Variants in PIP5K1B observed in about 807,000 individuals in gnomAD.
PIP5K1B encodes phosphatidylinositol-4-phosphate 5-kinase type 1 beta.
PIP5K1B carries 42 observed loss-of-function variants against 67.0 expected under a neutral mutation model. The observed-to-expected ratio is 0.63, with a 90% CI of 0.49 to 0.81. The LOEUF is 0.81. Ranked by LOEUF, PIP5K1B falls within the 30% of genes least tolerant of loss-of-function variation. The pLI, the probability that PIP5K1B is intolerant of heterozygous loss-of-function variation, is 0.00. For synonymous variants in PIP5K1B, 214 were observed against 231.4 expected, an observed-to-expected ratio of 0.92 and a Z score of 0.68; for missense variants, 459 against 646.3, an observed-to-expected ratio of 0.71 and a Z score of 3.14.
intron 4 of PIP5K1B, among the ~76,000 whole-genome samples, chr9:68,824,853 A>G (rs1309610406): frequency 6.6e-6 from 1 of 152,214 alleles, no homozygotes; most frequent in Admixed American, 6.5e-5. Context: ...GTTTATCTCC[A>G]GGTCCAGATA....
At chr9:68,853,552 C>T (rs1312996433) in intron 4 of PIP5K1B, among the ~76,000 whole-genome samples, 2 of 152,120 alleles carry the variant, frequency 1.3e-5, no homozygotes, top group Admixed American at 1.3e-4. Flanking sequence ...TCTGAAAAAT[C>T]AGAAAGTTTT....
chr9:68,731,552 G>T (rs568731224), intron 1 of PIP5K1B, among the ~76,000 whole-genome samples: 13 of 152,330 alleles, frequency 8.5e-5, no homozygotes, highest in Non-Finnish European at 8.8e-5. Flanking sequence ...CTGAGTGGGT[G>T]GTTGGGGAGG....
intron 15 of PIP5K1B, among the ~76,000 whole-genome samples, chr9:68,994,083 C>G (rs1036356051): frequency 4.3e-5 from 6 of 141,166 alleles, no homozygotes; most frequent in Non-Finnish European, 9.1e-5. Context: ...TCTTGTCGCC[C>G]AGGCTGGAGT....
chr9:68,810,617 C>A (rs868326080), intron 2 of PIP5K1B, among the ~76,000 whole-genome samples: 1 of 152,214 alleles, frequency 6.6e-6, no homozygotes. Context: ...TCATCTGTGG[C>A]AAATTAAAAA....
At chr9:68,920,765 G>GTCTT (rs1826340026) in intron 11 of PIP5K1B, among the ~76,000 whole-genome samples, 1 of 145,370 alleles carries the variant, frequency 6.9e-6, no homozygotes. Context: ...TTCCGTCTCT[G>GTCTT]TCTCTCTGTC....
rs1238650767 is a variant in PIP5K1B, at chr9:68,943,978, T to G, written c.1502+3188T>G. On this transcript the variant is annotated intron_variant, in intron 14 of 15. Transcript: ENST00000265382. Reference sequence around the variant, plus strand: ...CCTTTTTTTAAAGGATTATTCTTTGTAACTTCAAAAACTCTGATAGCAACC... The same window carrying G: ...CCTTTTTTTAAAGGATTATTCTTTGGAACTTCAAAAACTCTGATAGCAACC... Among the ~76,000 whole-genome samples the G allele has an allele frequency of 2.0e-5, 3 of 152,356 alleles. No homozygotes were observed. In the East Asian group the frequency reaches 5.8e-4, roughly 29 times the overall value.
chr9:68,901,507 C>A (rs1825350457), intron 8 of PIP5K1B, among the ~76,000 whole-genome samples: 1 of 152,210 alleles, frequency 6.6e-6, no homozygotes, highest in South Asian at 2.1e-4. Context: ...GATCCTCCTG[C>A]CTCAGCCTCC....
chr9:68,822,401 A>G, intron 3 of PIP5K1B: 1 of 472,014 alleles, frequency 2.1e-6, no homozygotes, highest in Non-Finnish European at 3.8e-6. Context: ...GATAAAATAT[A>G]TTACGAAAAT....
chr9:68,948,953 T>C (rs1387705433), intron 14 of PIP5K1B, among the ~76,000 whole-genome samples: 1 of 152,224 alleles, frequency 6.6e-6, no homozygotes, highest in Admixed American at 6.5e-5. Flanking sequence ...AACATTCACA[T>C]TTTTTGAGGA....
At chr9:68,995,314 T>G (rs1043600038) in intron 15 of PIP5K1B, among the ~76,000 whole-genome samples, 1 of 152,216 alleles carries the variant, frequency 6.6e-6, no homozygotes, top group East Asian at 1.9e-4. Flanking sequence ...AATCACCTCC[T>G]GTACCATAAA....
At chr9:68,991,976 T>G (rs978739045) in intron 15 of PIP5K1B, among the ~76,000 whole-genome samples, 1 of 150,398 alleles carries the variant, frequency 6.6e-6, no homozygotes, top group African/African-American at 2.5e-5. Context: ...AAAATTTTTT[T>G]TGGGGGGGGG....
intron 12 of PIP5K1B, among the ~76,000 whole-genome samples, chr9:68,929,073 G>C (rs1826855477): frequency 6.7e-6 from 1 of 150,200 alleles, no homozygotes; most frequent in Non-Finnish European, 1.5e-5. Context: ...TGAGGCAGGA[G>C]AATCACTTGA....
intron 2 of PIP5K1B, among the ~76,000 whole-genome samples, chr9:68,787,614 C>A (rs1371172149): frequency 6.6e-6 from 1 of 151,778 alleles, no homozygotes; most frequent in East Asian, 1.9e-4. Flanking sequence ...ATTTTTCTTC[C>A]AATTTTTCTT....
At chr9:68,974,648 G>A (rs537135170) in intron 14 of PIP5K1B, among the ~76,000 whole-genome samples, 14 of 152,276 alleles carry the variant, frequency 9.2e-5, no homozygotes, top group South Asian at 4.1e-4. Flanking sequence ...CTTGTAATTC[G>A]TTTGGTGTCA....
intron 1 of PIP5K1B, among the ~76,000 whole-genome samples, chr9:68,714,352 C>T (rs1827534759): frequency 6.6e-6 from 1 of 152,232 alleles, no homozygotes; most frequent in African/African-American, 2.4e-5. Context: ...CACACCACAT[C>T]TAATCCATCA....
chr9:68,933,966 T>C (rs57032203), intron 12 of PIP5K1B, among the ~76,000 whole-genome samples: 1,674 of 152,224 alleles, frequency 0.011, 30 homozygotes, highest in African/African-American at 0.038. Flanking sequence ...ATACACTTAC[T>C]ATCAGGCTAC....
At chr9:68,751,348 A>G (rs1829622579) in intron 2 of PIP5K1B, among the ~76,000 whole-genome samples, 2 of 152,248 alleles carry the variant, frequency 1.3e-5, no homozygotes, top group South Asian at 2.1e-4. Flanking sequence ...AAGCATACCT[A>G]TAATTATCAG....
intron 14 of PIP5K1B, among the ~76,000 whole-genome samples, chr9:68,981,352 T>A (rs1829872090): frequency 6.6e-6 from 1 of 152,156 alleles, no homozygotes. Flanking sequence ...AGTGAATCAA[T>A]GGATGCTACC....
intron 2 of PIP5K1B, among the ~76,000 whole-genome samples, chr9:68,761,236 C>T (rs1830168941): frequency 6.6e-6 from 1 of 152,022 alleles, no homozygotes; most frequent in Admixed American, 6.6e-5. Context: ...TGCACAAAGC[C>T]TCAAAATTCC....
Sources: allele counts gnomAD v4.1 joint callset (sites outside exome capture counted in the v4.1 genomes callset), GRCh38; gene constraint gnomAD v4.1.1; transcripts MANE v1.5; gene names NCBI Gene and HGNC (gene_info 2026-07-23, HGNC 2026-07-21).